Variants in RNF150 observed in about 807,000 individuals in gnomAD.
RNF150 encodes the protein ring finger protein 150.
RNF150 carries 24 observed loss-of-function variants against 39.3 expected under a neutral mutation model. The ratio of observed to expected loss-of-function variants is 0.61; its 90% CI spans 0.44 to 0.86. The LOEUF (loss-of-function observed/expected upper bound fraction) is 0.86, where lower values mean the gene tolerates loss of function less well. RNF150 is among the 40% of genes least tolerant of loss of function. RNF150 has a pLI of 0.00. For missense variants in RNF150, 502 were observed against 587.8 expected, an observed-to-expected ratio of 0.85 and a Z score of 1.51; for synonymous variants, 255 against 227.3, an observed-to-expected ratio of 1.12 and a Z score of -1.10.
intron 1 of RNF150, among the ~76,000 whole-genome samples, chr4:140,994,976 T>C (rs765270753): frequency 6.6e-6 from 1 of 152,266 alleles, no homozygotes; most frequent in Non-Finnish European, 1.5e-5. Context: ...TTAACATTTC[T>C]ATGTGTTACA....
chr4:141,036,981 T>C (rs1035489883), intron 1 of RNF150, among the ~76,000 whole-genome samples: 2 of 152,208 alleles, frequency 1.3e-5, no homozygotes, highest in Non-Finnish European at 2.9e-5. Flanking sequence ...TCCAACAGAC[T>C]GAGTTCCAGG....
chr4:141,131,298 C>T (rs550822213), intron 1 of RNF150, among the ~76,000 whole-genome samples: 9 of 152,360 alleles, frequency 5.9e-5, no homozygotes, highest in African/African-American at 2.2e-4. Context: ...CATTTTCTCC[C>T]CTCCTTCCGG....
chr4:141,048,215 T>C (rs1736652411), intron 1 of RNF150, among the ~76,000 whole-genome samples: 1 of 152,190 alleles, frequency 6.6e-6, no homozygotes, highest in African/African-American at 2.4e-5. Flanking sequence ...TAACATGCCA[T>C]CTCTTGGCTG....
chr4:141,212,401 A>T (rs1728481961), intron 1 of RNF150, among the ~76,000 whole-genome samples: 1 of 152,086 alleles, frequency 6.6e-6, no homozygotes, highest in Non-Finnish European at 1.5e-5. Context: ...GCTTCCTCTT[A>T]TCTGTTGTTC....
intron 1 of RNF150, among the ~76,000 whole-genome samples, chr4:141,110,624 GAT>G (rs1361143337): frequency 2.7e-5 from 4 of 146,608 alleles, no homozygotes; most frequent in Admixed American, 2.0e-4. Context: ...TGTTGACCAG[GAT>G]AGTCTCAAAC....
At chr4:140,932,393 A>G (rs909282164) in intron 4 of RNF150, among the ~76,000 whole-genome samples, 3 of 152,210 alleles carry the variant, frequency 2.0e-5, no homozygotes, top group African/African-American at 7.2e-5. Context: ...CAAAAGCCCT[A>G]TGAAGTAGAA....
intron 1 of RNF150, among the ~76,000 whole-genome samples, chr4:141,092,530 A>C (rs1250715822): frequency 2.0e-5 from 3 of 152,168 alleles, no homozygotes; most frequent in Non-Finnish European, 4.4e-5. Context: ...ACATTTATAG[A>C]GTACTTGATT....
At chr4:141,088,694 C>CACACAA in intron 1 of RNF150, among the ~76,000 whole-genome samples, 1 of 151,644 alleles carries the variant, frequency 6.6e-6, no homozygotes, top group South Asian at 2.1e-4. Context: ...CACACACACA[C>CACACAA]ACACACACAC....
intron 1 of RNF150, among the ~76,000 whole-genome samples, chr4:141,031,902 G>A (rs1735960038): frequency 6.6e-6 from 1 of 151,906 alleles, no homozygotes; most frequent in Admixed American, 6.6e-5. Flanking sequence ...CAGAGGAAAT[G>A]AAAGAGATGA....
chr4:141,060,429 A>C (rs1228585491), intron 1 of RNF150, among the ~76,000 whole-genome samples: 1 of 152,212 alleles, frequency 6.6e-6, no homozygotes, highest in Non-Finnish European at 1.5e-5. Flanking sequence ...TGACAGAGCA[A>C]GACTCTGTCC....
chr4:141,020,511 C>T (rs1033635059), intron 1 of RNF150, among the ~76,000 whole-genome samples: 1 of 152,142 alleles, frequency 6.6e-6, no homozygotes, highest in Non-Finnish European at 1.5e-5. Context: ...CTCCCAGAGG[C>T]ACCTTCCTAA....
At chr4:141,128,288 C>T (rs1356603505) in intron 1 of RNF150, among the ~76,000 whole-genome samples, 1 of 152,180 alleles carries the variant, frequency 6.6e-6, no homozygotes, top group Non-Finnish European at 1.5e-5. Context: ...ATTCACATAA[C>T]AAGCAATCGA....
At chr4:140,975,611 C>A (rs147692981) in intron 1 of RNF150, among the ~76,000 whole-genome samples, 1 of 152,234 alleles carries the variant, frequency 6.6e-6, no homozygotes, top group Non-Finnish European at 1.5e-5. Context: ...TGGTGGGATT[C>A]CTCTGTTGTT....
intron 1 of RNF150, among the ~76,000 whole-genome samples, chr4:141,059,665 G>C (rs1297781089): frequency 6.6e-6 from 1 of 152,000 alleles, no homozygotes; most frequent in Non-Finnish European, 1.5e-5. Flanking sequence ...GCTGTAAAAA[G>C]TAACAGGGAA....
chr4:141,191,702 ATATAT>A (rs1279373320), intron 1 of RNF150, among the ~76,000 whole-genome samples: 1 of 152,198 alleles, frequency 6.6e-6, no homozygotes, highest in African/African-American at 2.4e-5. Context: ...AGATGTATTG[ATATAT>A]TATCTATCTA....
chr4:141,183,586 T>C (rs1023430999), intron 1 of RNF150, among the ~76,000 whole-genome samples: 5 of 152,136 alleles, frequency 3.3e-5, no homozygotes, highest in Non-Finnish European at 5.9e-5. Flanking sequence ...GTGCAGAATG[T>C]GCAGGTTTGT....
At chr4:140,931,305 T>C (rs1385644540) in intron 4 of RNF150, among the ~76,000 whole-genome samples, 1 of 23,258 alleles carries the variant, frequency 4.3e-5, no homozygotes, top group Non-Finnish European at 2.3e-4. Context: ...GAGGGAGAAC[T>C]AAGGGCAAAA....
chr4:141,069,602 T>G (rs935889129), intron 1 of RNF150, among the ~76,000 whole-genome samples: 8 of 150,806 alleles, frequency 5.3e-5, no homozygotes, highest in African/African-American at 2.0e-4. Context: ...ATTCCCTCTT[T>G]TTCTATTGAT....
chr4:141,063,634 G>A (rs138005338), intron 1 of RNF150, among the ~76,000 whole-genome samples: 110 of 152,238 alleles, frequency 7.2e-4, no homozygotes, highest in African/African-American at 2.5e-3. Flanking sequence ...GGGGGTGGAC[G>A]TTGTTTTATT....
Sources: gnomAD v4.1 joint callset for allele counts (sites outside exome capture counted in the v4.1 genomes callset) on GRCh38, gnomAD v4.1.1 for gene constraint, MANE v1.5 for transcripts, NCBI Gene and HGNC (gene_info 2026-07-23, HGNC 2026-07-21) for gene names.